POM121C: variants seen among roughly 807,000 people sequenced by gnomAD.
POM121C encodes the protein nuclear envelope pore membrane protein POM 121C.
Under a neutral mutation model 66.4 loss-of-function variants are expected in POM121C, and 20 were observed. That is an observed-to-expected ratio of 0.30 (90% confidence interval 0.21 to 0.44). POM121C has a LOEUF of 0.44. Ranked by LOEUF, POM121C falls within the 20% of genes least tolerant of loss-of-function variation. POM121C has a pLI of 1.00. For synonymous variants in POM121C, 286 were observed against 528.0 expected, an observed-to-expected ratio of 0.54 and a Z score of 6.28; for missense variants, 580 against 1,225.7, an observed-to-expected ratio of 0.47 and a Z score of 7.87.
rs587689353 is a variant in POM121C, at chr7:75,439,161, G to T, written c.291C>A (p.Pro97=). ...GCACTTACTTAGGCACAAAAGAAGCGGGGACTCCACTGGCCACCAGGGGCT... is the reference window on the plus strand; with the variant it reads ...GCACTTACTTAGGCACAAAAGAAGCTGGGACTCCACTGGCCACCAGGGGCT... ...AFEPLVASGV[P]ASFVPKPGSL... The change falls in exon 6 of 15, where the codon CCC becomes CCA. Residue 97 remains proline (P), a synonymous_variant. Coordinates refer to ENST00000615331, the MANE Select transcript of POM121C (RefSeq NM_001099415.3). 6.2e-7 allele frequency: 1 copy of T among 1,614,210 alleles called. No individual in the cohort carries two copies. Among genetic ancestry groups the T allele is most frequent in the African/African-American group, 1.3e-5 (1 of 75,052 alleles).
chr7:75,421,875 C>T lies in POM121C; in HGVS notation c.2377G>A (p.Ala793Thr), dbSNP rs767238139. The T allele has an allele frequency of 4.5e-5, 72 of 1,611,876 alleles. No individual in the cohort carries two copies. The highest frequency in any genetic ancestry group is 1.0e-4 in the Admixed American group (6 of 59,964). The part of the protein sequence containing the change: ...AFGAPASSQP[A>T]FGGSTAVFSF... ...AAGACAGCAGTGGAGCCGCCAAAGG[C>T]GGGCTGTGAGCTGGCGGGAGCGCCG... The change falls in exon 13 of 15, where the codon GCC (alanine) becomes ACC (threonine). Residue 793 changes from alanine (A) to threonine (T), a missense_variant. Ala to Thr is a moderately conservative substitution (Grantham distance 58). Coordinates refer to ENST00000615331, the MANE Select transcript of POM121C (RefSeq NM_001099415.3).
chr7:75,435,788 A>G (rs1790381143), intron 7 of POM121C, among the ~76,000 whole-genome samples: 3 of 152,208 alleles, frequency 2.0e-5, no homozygotes, highest in Non-Finnish European at 4.4e-5. Flanking sequence ...GGTGGCTCAC[A>G]CCTGTAATCC....
In POM121C at chr7:75,441,597, T is replaced by C. The variant is rs1563145268; in HGVS notation, c.-101A>G. The C allele has an allele frequency of 8.8e-6, 14 of 1,594,624 alleles. No individual in the cohort carries two copies. Among genetic ancestry groups the C allele is most frequent in the East Asian group, 4.6e-5 (2 of 43,902 alleles). ...GGAATACTGGGTCTGATGGATCGGA[T>C]AGCGTCTTCGAGGTGTTATTACAAA... On this transcript the variant is annotated 5_prime_UTR_variant, in exon 4 of 15. Transcript: ENST00000615331.
intron 3 of POM121C, 78 bp from the exon 4 acceptor site, chr7:75,441,725 G>A (rs1790656365): frequency 1.6e-6 from 2 of 1,270,924 alleles, no homozygotes; most frequent in Admixed American, 2.2e-5. Flanking sequence ...AAACCCACCA[G>A]TTAAGACATT....
At chr7:75,472,799 A>G (rs768602294) in intron 3 of POM121C, among the ~76,000 whole-genome samples, 2 of 151,466 alleles carry the variant, frequency 1.3e-5, no homozygotes, top group African/African-American at 4.9e-5. Context: ...AGAGCGAGAC[A>G]CTATCTCAAA....
At chr7:75,477,110 TAC>T (rs57918412) in intron 1 of POM121C, among the ~76,000 whole-genome samples, 24,548 of 140,628 alleles carry the variant, frequency 0.17, 2,669 homozygotes, top group African/African-American at 0.32. Context: ...TTTGCGTGTA[TAC>T]ACACACACAC....
Position 75,465,855 on chromosome 7 carries a change from C to T in POM121C, c.-152+8849G>A, listed in dbSNP as rs587721309. On this transcript the variant is annotated intron_variant, in intron 3 of 14. Transcript: ENST00000615331. ...AGGCTGCAGAGAGCTATACTCACAC[C>T]ACTGCACTCCAGCACAGGCAACAGA... 2.2e-5 allele frequency among the ~76,000 whole-genome samples: 3 copies of T among 135,758 alleles called. No individual in the cohort carries two copies. The South Asian group carries it at 7.1e-4, about 32-fold the overall frequency. The allele number at this position is 135,758 out of a possible 152,430, so 89.1% of individuals were successfully genotyped here.
chr7:75,475,841 T>C (rs1792050327), intron 1 of POM121C, among the ~76,000 whole-genome samples: 1 of 152,174 alleles, frequency 6.6e-6, no homozygotes, highest in Non-Finnish European at 1.5e-5. Context: ...CAAATTATTT[T>C]AACTTTATGC....
chr7:75,482,321 A>G (rs1321232142), intron 1 of POM121C, among the ~76,000 whole-genome samples: 4 of 152,128 alleles, frequency 2.6e-5, no homozygotes, highest in Non-Finnish European at 4.4e-5. Flanking sequence ...TACACCTGTA[A>G]TCCTACCACT....
At chr7:75,450,114 A>C (rs1284292083) in intron 3 of POM121C, among the ~76,000 whole-genome samples, 1 of 152,180 alleles carries the variant, frequency 6.6e-6, no homozygotes, top group Non-Finnish European at 1.5e-5. Context: ...CAATGAGAGA[A>C]CACTCTGAAG....
chr7:75,482,139 C>G (rs1485874979), intron 1 of POM121C, among the ~76,000 whole-genome samples: 1 of 151,948 alleles, frequency 6.6e-6, no homozygotes, highest in Non-Finnish European at 1.5e-5. Context: ...GTAACATAAT[C>G]CAAACTGAGG....
rs587735775 is a variant in POM121C, at chr7:75,436,767, A to G, written c.480+748T>C. On this transcript the variant is annotated intron_variant, in intron 7 of 14. Transcript: ENST00000615331. ...ATTGTCTGCCCAAGACCTTATAGCT[A>G]CTAGATGTCAGAGCCAAGCATTTTT... 3.3e-5 allele frequency among the ~76,000 whole-genome samples: 5 copies of G among 152,118 alleles called. No homozygotes were observed. The East Asian group carries it at 9.6e-4, about 29-fold the overall frequency.
chr7:75,435,454 G>A (rs1790366754), intron 7 of POM121C, among the ~76,000 whole-genome samples: 1 of 152,168 alleles, frequency 6.6e-6, no homozygotes, highest in Non-Finnish European at 1.5e-5. Flanking sequence ...ATTTTTGAGT[G>A]TATCTTGTTT....
intron 5 of POM121C, among the ~76,000 whole-genome samples, chr7:75,439,539 C>A (rs1163050409): frequency 6.6e-6 from 1 of 152,180 alleles, no homozygotes; most frequent in Admixed American, 6.5e-5. Flanking sequence ...GTATGCACCA[C>A]CACACCTGGC....
intron 9 of POM121C, 79 bp downstream of exon 9, chr7:75,425,556 C>T: frequency 4.5e-6 from 6 of 1,321,362 alleles, no homozygotes; most frequent in South Asian, 4.1e-5. Flanking sequence ...GACCTTTTTT[C>T]AATAGGTATT....
Position 75,418,381 on chromosome 7 carries a change from T to C in POM121C, c.*415A>G, listed in dbSNP as rs1460292608. ...AAGATAAAGCTTTAGGGATAACCCA[T>C]TTCCCAAATCCCATCAGGTGCACAC... On this transcript the variant is annotated 3_prime_UTR_variant, in exon 15 of 15. Coordinates refer to ENST00000615331, the MANE Select transcript of POM121C (RefSeq NM_001099415.3). 1.0e-6 allele frequency: 1 copy of C among 998,296 alleles called. No homozygotes were observed. Among genetic ancestry groups the C allele is most frequent in the African/African-American group, 1.7e-5 (1 of 57,646 alleles). 61.8% of individuals were successfully genotyped at this position (998,296 alleles called of 1,614,324 possible).
chr7:75,457,761 C>A (rs1791287957), intron 3 of POM121C, among the ~76,000 whole-genome samples: 1 of 152,242 alleles, frequency 6.6e-6, no homozygotes, highest in Non-Finnish European at 1.5e-5. Context: ...ATTTCCCGTT[C>A]CCCGTCCCAC....
chr7:75,432,033 T>G (rs1357557469), intron 7 of POM121C, among the ~76,000 whole-genome samples: 1 of 151,410 alleles, frequency 6.6e-6, no homozygotes, highest in Non-Finnish European at 1.5e-5. Flanking sequence ...TACAAAAATT[T>G]GTTGGGCACA....
Position 75,424,544 on chromosome 7 carries a change from C to G in POM121C, c.853G>C (p.Ala285Pro). 1 of 1,613,966 alleles carries G rather than the reference C, an allele frequency of 6.2e-7. No individual in the cohort carries two copies. The highest frequency in any genetic ancestry group is 1.1e-5 in the South Asian group (1 of 91,076). The stretch of plus-strand genomic sequence containing the variant: ...TCCTTACCACTCTTGTCCTCCAAGG[C>G]CTGGTTGAACCACTGTAATGAAGCC... The part of the protein sequence containing the change: ...KKASLQWFNQ[A>P]LEDKSDAASN... The change falls in exon 11 of 15, where the codon GCC becomes CCC. Residue 285 changes from alanine to proline, a missense_variant. Transcript: ENST00000615331.
Sources: allele counts gnomAD v4.1 joint callset (sites outside exome capture counted in the v4.1 genomes callset), GRCh38; gene constraint gnomAD v4.1.1; transcripts MANE v1.5; gene names NCBI Gene and HGNC (gene_info 2026-07-23, HGNC 2026-07-21).